Variants in DGKG observed in about 807,000 individuals in gnomAD.
DGKG encodes diacylglycerol kinase gamma, also known as DAG kinase gamma.
DGKG carries 78 observed loss-of-function variants against 105.3 expected under a neutral mutation model. The observed-to-expected ratio is 0.74, with a 90% CI of 0.62 to 0.89. The LOEUF is 0.89. Among genes scored for constraint, DGKG ranks in the 40% least tolerant of loss-of-function variants. DGKG has a pLI of 0.00. For missense variants in DGKG, 958 were observed against 1,020.1 expected (o/e 0.94, Z 0.83); for synonymous variants, 346 against 367.1 (o/e 0.94, Z 0.66).
chr3:186,308,493 T>C (rs1444357582), intron 2 of DGKG, among the ~76,000 whole-genome samples: 1 of 152,148 alleles, frequency 6.6e-6, no homozygotes, highest in African/African-American at 2.4e-5. Context: ...GCCCAGGCTC[T>C]TTGTACAGAG....
chr3:186,194,975 G>C (rs1366536204), intron 21 of DGKG, among the ~76,000 whole-genome samples: 1 of 151,962 alleles, frequency 6.6e-6, no homozygotes, highest in African/African-American at 2.4e-5. Flanking sequence ...CGTGGTGGGG[G>C]ACGCCTGTAA....
chr3:186,328,726 C>A (rs765078236), intron 1 of DGKG, among the ~76,000 whole-genome samples: 2 of 151,998 alleles, frequency 1.3e-5, no homozygotes, highest in Non-Finnish European at 2.9e-5. Context: ...CAGGCACCTG[C>A]CACCACGCCC....
At chr3:186,302,514 G>GTA (rs1172001065) in intron 3 of DGKG, among the ~76,000 whole-genome samples, 423 of 16,550 alleles carry the variant, frequency 0.026, 5 homozygotes, top group African/African-American at 0.041. Flanking sequence ...ATACATATGT[G>GTA]TATATATATA....
chr3:186,161,997 C>T (rs926775134), intron 23 of DGKG, among the ~76,000 whole-genome samples: 7 of 152,108 alleles, frequency 4.6e-5, no homozygotes, highest in Non-Finnish European at 7.4e-5. Context: ...CGGATTCAAG[C>T]AATTCTCCTT....
intron 22 of DGKG, among the ~76,000 whole-genome samples, chr3:186,186,836 A>G (rs1717662121): frequency 6.6e-6 from 1 of 152,180 alleles, no homozygotes; most frequent in South Asian, 2.1e-4. Flanking sequence ...GAAAATGGCT[A>G]CTTTTGGGGC....
chr3:186,212,995 A>G (rs949232742), intron 20 of DGKG, among the ~76,000 whole-genome samples: 4 of 152,194 alleles, frequency 2.6e-5, no homozygotes, highest in African/African-American at 9.7e-5. Context: ...GTTGTAGCAG[A>G]TGACTCTCCA....
At chr3:186,168,312 T>A (rs2108483613) in intron 22 of DGKG, among the ~76,000 whole-genome samples, 1 of 152,346 alleles carries the variant, frequency 6.6e-6, no homozygotes, top group African/African-American at 2.4e-5. Context: ...CTGCTCTTAT[T>A]TATTCCTTGG....
intron 20 of DGKG, among the ~76,000 whole-genome samples, chr3:186,238,632 T>A (rs1720531710): frequency 6.6e-6 from 1 of 152,178 alleles, no homozygotes; most frequent in African/African-American, 2.4e-5. Flanking sequence ...GAGACGATAA[T>A]CTCCCTAACA....
chr3:186,190,239 A>T (rs1174649007), intron 21 of DGKG, among the ~76,000 whole-genome samples: 3 of 151,590 alleles, frequency 2.0e-5, no homozygotes, highest in Non-Finnish European at 4.4e-5. Context: ...TGGACTGTCA[A>T]CTCTCTTCAT....
chr3:186,247,527 A>T (rs1721001222), intron 19 of DGKG, among the ~76,000 whole-genome samples: 1 of 152,212 alleles, frequency 6.6e-6, no homozygotes, highest in African/African-American at 2.4e-5. Context: ...TCCTCGGTTT[A>T]CATACCTACT....
At chr3:186,329,477 G>A (rs542092009) in intron 1 of DGKG, among the ~76,000 whole-genome samples, 1 of 152,154 alleles carries the variant, frequency 6.6e-6, no homozygotes, top group South Asian at 2.1e-4. Context: ...CAATTATCCA[G>A]GAACAAACAC....
Position 186,335,983 on chromosome 3 carries a change from A to G in DGKG, c.-248-15276T>C, listed in dbSNP as rs558033668. Among the ~76,000 whole-genome samples, 104 of 152,334 alleles carry G rather than the reference A, an allele frequency of 6.8e-4. 1 individual carries two copies. Among genetic ancestry groups the G allele is most frequent in the Admixed American group, 2.0e-3 (30 of 15,296 alleles). On this transcript the variant is annotated intron_variant, in intron 1 of 24. Coordinates refer to ENST00000265022, the MANE Select transcript of DGKG (RefSeq NM_001346.3). ...CTGAACTGTGCCAATCAGATCTCCCAGATACTTGGGAGTGGTGCTGGCAGA... is the reference window on the plus strand; with the variant it reads ...CTGAACTGTGCCAATCAGATCTCCCGGATACTTGGGAGTGGTGCTGGCAGA...
At chr3:186,240,181 T>C (rs1349090834) in intron 20 of DGKG, among the ~76,000 whole-genome samples, 1 of 152,182 alleles carries the variant, frequency 6.6e-6, no homozygotes, top group Non-Finnish European at 1.5e-5. Flanking sequence ...TTTGCTTCCT[T>C]CTCCCTGTGT....
rs527663453 is a variant in DGKG at position 186,182,429 on chromosome 3, C to G, written c.2095+5773G>C. 4.6e-5 allele frequency among the ~76,000 whole-genome samples: 7 copies of G among 152,264 alleles called. No homozygotes were observed. The East Asian group carries it at 7.7e-4, about 17-fold the overall frequency. Reference sequence around the variant, plus strand: ...CAAAACAAGGCTGAGGGAGGGAGACCATACTTGTTTCCATCTTGTAAGTGT... The same window carrying G: ...CAAAACAAGGCTGAGGGAGGGAGACGATACTTGTTTCCATCTTGTAAGTGT... On this transcript the variant is annotated intron_variant, in intron 22 of 24. Transcript: ENST00000265022.
At chr3:186,264,758 T>C (rs1368752035) in intron 14 of DGKG, among the ~76,000 whole-genome samples, 1 of 152,164 alleles carries the variant, frequency 6.6e-6, no homozygotes, top group Non-Finnish European at 1.5e-5. Flanking sequence ...CTTCCCTGCA[T>C]TCCTTGGAAC....
intron 1 of DGKG, among the ~76,000 whole-genome samples, chr3:186,345,658 C>G (rs899080032): frequency 6.6e-6 from 1 of 152,198 alleles, no homozygotes; most frequent in Non-Finnish European, 1.5e-5. Context: ...AAACACCAGT[C>G]TTTTCAGGCT....
chr3:186,156,209 A>AT (rs746855548), intron 24 of DGKG, among the ~76,000 whole-genome samples: 42 of 151,470 alleles, frequency 2.8e-4, no homozygotes, highest in Admixed American at 1.8e-3. Flanking sequence ...ATGATCATCT[A>AT]TTTTTTTTCT....
intron 22 of DGKG, among the ~76,000 whole-genome samples, chr3:186,185,648 AG>A (rs1420848314): frequency 2.0e-5 from 3 of 152,140 alleles, no homozygotes; most frequent in African/African-American, 7.2e-5. Context: ...TAGGAGCACC[AG>A]GGTAGGAAAA....
intron 20 of DGKG, among the ~76,000 whole-genome samples, chr3:186,235,007 AC>A (rs1386877518): frequency 6.6e-6 from 1 of 152,116 alleles, no homozygotes; most frequent in Non-Finnish European, 1.5e-5. Flanking sequence ...AAAACCCTGG[AC>A]TTCTGCATTT....
Sources: allele counts gnomAD v4.1 joint callset (sites outside exome capture counted in the v4.1 genomes callset), GRCh38; gene constraint gnomAD v4.1.1; transcripts MANE v1.5; gene names NCBI Gene and HGNC (gene_info 2026-07-23, HGNC 2026-07-21).